The following FMNL2 variants were observed in gnomAD, a reference collection of about 807,000 sequenced individuals.
The protein encoded by FMNL2 is formin-like protein 2.
In FMNL2, 51 loss-of-function variants were observed where a neutral mutation model predicts 130.2. The ratio of observed to expected loss-of-function variants is 0.39; its 90% CI spans 0.31 to 0.49. The LOEUF (loss-of-function observed/expected upper bound fraction) is 0.49. Ranked by LOEUF, FMNL2 falls within the 20% of genes least tolerant of loss-of-function variation. The pLI is 0.85. For synonymous variants in FMNL2, 465 were observed against 467.1 expected, an observed-to-expected ratio of 1.00 and a Z score of 0.06; for missense variants, 977 against 1,316.2, an observed-to-expected ratio of 0.74 and a Z score of 3.99.
At chr2:152,407,198 G>GTTTTTTTTTTTTTTTTTTTTTTTTTTT (rs57572263) in intron 1 of FMNL2, among the ~76,000 whole-genome samples, 1 of 148,926 alleles carries the variant, frequency 6.7e-6, no homozygotes, top group Non-Finnish European at 1.5e-5. Flanking sequence ...TTCTGTTTTT[G>GTTTTTTTTTTTTTTTTTTTTTTTTTTT]TTTTTTTTTT....
chr2:152,340,987 G>T (rs542502699), intron 1 of FMNL2, among the ~76,000 whole-genome samples: 21 of 152,266 alleles, frequency 1.4e-4, no homozygotes, highest in African/African-American at 5.1e-4. Flanking sequence ...ACTGTGCCCG[G>T]CCGGAAGGTC....
At chr2:152,425,651 T>C (rs1355415291) in intron 1 of FMNL2, among the ~76,000 whole-genome samples, 1 of 152,230 alleles carries the variant, frequency 6.6e-6, no homozygotes, top group African/African-American at 2.4e-5. Context: ...CACTTAAAGT[T>C]CTACAGTCGT....
At chr2:152,406,911 C>T (rs1402438358) in intron 1 of FMNL2, among the ~76,000 whole-genome samples, 1 of 152,128 alleles carries the variant, frequency 6.6e-6, no homozygotes, top group Non-Finnish European at 1.5e-5. Flanking sequence ...ATGTGATGAA[C>T]TGGAAAAGAA....
At chr2:152,376,444 G>A (rs1211339813) in intron 1 of FMNL2, among the ~76,000 whole-genome samples, 1 of 152,184 alleles carries the variant, frequency 6.6e-6, no homozygotes, top group Non-Finnish European at 1.5e-5. Context: ...TGGAGGAGAG[G>A]AGGATTCCTC....
intron 1 of FMNL2, among the ~76,000 whole-genome samples, chr2:152,441,215 C>T (rs1180742564): frequency 6.6e-6 from 1 of 152,168 alleles, no homozygotes. Context: ...AACAGCTACA[C>T]ATCTTTATAA....
intron 9 of FMNL2, among the ~76,000 whole-genome samples, chr2:152,587,538 G>A (rs77697806): frequency 0.046 from 7,013 of 152,236 alleles, 550 homozygotes; most frequent in African/African-American, 0.16. Context: ...TTTGATTGGA[G>A]ATAAAAAAGA....
chr2:152,619,777 G>A, intron 15 of FMNL2, 59 bp downstream of exon 15: 1 of 1,559,306 alleles, frequency 6.4e-7, no homozygotes, highest in Non-Finnish European at 8.7e-7. Flanking sequence ...TTATCTCGGA[G>A]AGTTGAAGCT....
intron 3 of FMNL2, among the ~76,000 whole-genome samples, chr2:152,547,876 G>A (rs1256612414): frequency 1.3e-5 from 2 of 152,204 alleles, no homozygotes; most frequent in Non-Finnish European, 2.9e-5. Context: ...CGCTTAGGAG[G>A]CGCTGACATC....
At position 152,648,138 on chromosome 2, in the gene FMNL2, A is replaced by T; in HGVS notation, c.*233A>T. The stretch of plus-strand genomic sequence containing the variant: ...AATCAAAGCAATAGGATTTGATTTG[A>T]TTAGGTATCTTTTTACACCAGTATG... On this transcript the variant is annotated 3_prime_UTR_variant, in exon 26 of 26. Transcript: ENST00000288670. The T allele has an allele frequency of 2.1e-6, 1 of 472,006 alleles. No homozygotes were observed. Among genetic ancestry groups the T allele is most frequent in the Non-Finnish European group, 3.7e-6 (1 of 268,814 alleles). 29.2% of individuals were successfully genotyped at this position (472,006 alleles called of 1,614,324 possible).
At chr2:152,354,283 C>T (rs1224697286) in intron 1 of FMNL2, among the ~76,000 whole-genome samples, 2 of 152,066 alleles carry the variant, frequency 1.3e-5, no homozygotes, top group Non-Finnish European at 2.9e-5. Context: ...GGCTCCAGCT[C>T]CATCCTGGAA....
chr2:152,367,530 G>T (rs1683628966), intron 1 of FMNL2, among the ~76,000 whole-genome samples: 1 of 152,176 alleles, frequency 6.6e-6, no homozygotes, highest in Non-Finnish European at 1.5e-5. Context: ...TGGCATCAGA[G>T]AAGTCACTTA....
chr2:152,546,277 C>T (rs1694627000), intron 3 of FMNL2, among the ~76,000 whole-genome samples: 1 of 152,098 alleles, frequency 6.6e-6, no homozygotes, highest in Non-Finnish European at 1.5e-5. Flanking sequence ...GTTCTTTAGG[C>T]TGTACAGGAA....
At chr2:152,398,678 T>C (rs553041257) in intron 1 of FMNL2, among the ~76,000 whole-genome samples, 30 of 152,368 alleles carry the variant, frequency 2.0e-4, no homozygotes, top group Middle Eastern at 3.4e-3. Context: ...TTATCTTCTA[T>C]ACACAGTTAT....
chr2:152,341,877 C>T (rs191000308), intron 1 of FMNL2, among the ~76,000 whole-genome samples: 2 of 152,192 alleles, frequency 1.3e-5, no homozygotes, highest in African/African-American at 2.4e-5. Flanking sequence ...GTGAGTTCTC[C>T]GTTAAAGTTA....
intron 3 of FMNL2, among the ~76,000 whole-genome samples, chr2:152,543,396 C>T (rs898588088): frequency 1.3e-5 from 2 of 152,164 alleles, no homozygotes; most frequent in Non-Finnish European, 2.9e-5. Context: ...ACTGATGCCT[C>T]GTGGTAAAGC....
intron 9 of FMNL2, among the ~76,000 whole-genome samples, chr2:152,593,278 T>C (rs1167420744): frequency 3.3e-5 from 5 of 151,834 alleles, no homozygotes; most frequent in African/African-American, 4.8e-5. Context: ...AACTAGAAGA[T>C]AGATACAAAT....
intron 1 of FMNL2, among the ~76,000 whole-genome samples, chr2:152,440,499 A>ATTC (rs1180653544): frequency 6.6e-6 from 1 of 152,248 alleles, no homozygotes; most frequent in Non-Finnish European, 1.5e-5. Flanking sequence ...AGGGTCAGGA[A>ATTC]TTCTTCCCTT....
At chr2:152,520,588 C>G (rs1693032557) in intron 1 of FMNL2, among the ~76,000 whole-genome samples, 1 of 130,938 alleles carries the variant, frequency 7.6e-6, no homozygotes, top group Non-Finnish European at 1.7e-5. Context: ...GGAGTGAAAC[C>G]CCATCTCAAA....
chr2:152,531,051 A>G (rs1408108764), intron 2 of FMNL2, among the ~76,000 whole-genome samples: 3 of 152,202 alleles, frequency 2.0e-5, no homozygotes, highest in Admixed American at 2.0e-4. Flanking sequence ...CAGCATCTTC[A>G]GGTACTAGAA....
Sources: allele counts gnomAD v4.1 joint callset (sites outside exome capture counted in the v4.1 genomes callset), GRCh38; gene constraint gnomAD v4.1.1; transcripts MANE v1.5; gene names NCBI Gene and HGNC (gene_info 2026-07-23, HGNC 2026-07-21).